MLLT3: variants seen among roughly 807,000 people sequenced by gnomAD.
MLLT3 encodes the protein protein AF-9.
In MLLT3, 4 loss-of-function variants were observed where a neutral mutation model predicts 53.2. The observed-to-expected ratio is 0.08, with a 90% CI of 0.04 to 0.17. The LOEUF (loss-of-function observed/expected upper bound fraction) is 0.17, where lower values mean the gene tolerates loss of function less well. Among genes scored for constraint, MLLT3 ranks in the 10% least tolerant of loss-of-function variants. The pLI is 1.00. For missense variants in MLLT3, 569 were observed against 684.0 expected (o/e 0.83, Z 1.87); for synonymous variants, 283 against 230.6 (o/e 1.23, Z -2.06).
At chr9:20,530,271 C>CT (rs1475498310) in intron 2 of MLLT3, among the ~76,000 whole-genome samples, 1 of 152,174 alleles carries the variant, frequency 6.6e-6, no homozygotes, top group East Asian at 1.9e-4. Context: ...CATTGTTACC[C>CT]TTACTTCTCA....
At chr9:20,601,862 A>T (rs72701943) in intron 2 of MLLT3, among the ~76,000 whole-genome samples, 4,101 of 152,210 alleles carry the variant, frequency 0.027, 104 homozygotes, top group South Asian at 0.063. Flanking sequence ...TTTGTGTGCT[A>T]CCTATACAAA....
intron 2 of MLLT3, among the ~76,000 whole-genome samples, chr9:20,554,473 T>C (rs549374140): frequency 6.6e-6 from 1 of 152,294 alleles, no homozygotes; most frequent in South Asian, 2.1e-4. Flanking sequence ...CAAAAATGGA[T>C]GACATGAACA....
chr9:20,550,575 C>G (rs1313220110), intron 2 of MLLT3, among the ~76,000 whole-genome samples: 1 of 152,052 alleles, frequency 6.6e-6, no homozygotes, highest in Admixed American at 6.6e-5. Context: ...CAAGCACACA[C>G]CACCACCACA....
intron 2 of MLLT3, among the ~76,000 whole-genome samples, chr9:20,529,724 CT>C (rs5896896): frequency 0.28 from 21,877 of 77,452 alleles, 877 homozygotes; most frequent in East Asian, 0.32. Flanking sequence ...TAATCCAATC[CT>C]TTTTTTTTTT....
chr9:20,348,861 T>C (rs1271789695), intron 10 of MLLT3, among the ~76,000 whole-genome samples: 4 of 152,188 alleles, frequency 2.6e-5, no homozygotes, highest in African/African-American at 7.2e-5. Flanking sequence ...CACACAGCTA[T>C]GCCCACAGAG....
chr9:20,509,713 C>T (rs745630253), intron 2 of MLLT3, among the ~76,000 whole-genome samples: 64 of 152,178 alleles, frequency 4.2e-4, no homozygotes, highest in African/African-American at 1.4e-3. Context: ...CACTAACAAA[C>T]GAAATGTAAC....
intron 2 of MLLT3, among the ~76,000 whole-genome samples, chr9:20,590,829 G>A (rs1397320823): frequency 1.3e-5 from 2 of 152,062 alleles, no homozygotes; most frequent in Non-Finnish European, 2.9e-5. Context: ...TCGAATTCCT[G>A]GGCTCAAGCA....
chr9:20,510,072 G>C (rs544056037), intron 2 of MLLT3, among the ~76,000 whole-genome samples: 61 of 152,118 alleles, frequency 4.0e-4, no homozygotes, highest in African/African-American at 1.4e-3. Flanking sequence ...GGCTATATTA[G>C]ATAAATATTA....
chr9:20,357,116 A>C (rs914000036), intron 8 of MLLT3, among the ~76,000 whole-genome samples: 1 of 152,228 alleles, frequency 6.6e-6, no homozygotes, highest in African/African-American at 2.4e-5. Flanking sequence ...CCACAGGCTT[A>C]TTTTAAACCA....
intron 2 of MLLT3, among the ~76,000 whole-genome samples, chr9:20,498,081 G>C (rs1015318138): frequency 5.3e-5 from 8 of 151,430 alleles, no homozygotes; most frequent in Non-Finnish European, 1.2e-4. Context: ...AAATTAGCTG[G>C]GCGTGGTGGC....
intron 3 of MLLT3, among the ~76,000 whole-genome samples, chr9:20,449,253 C>T (rs1823782288): frequency 6.6e-6 from 1 of 152,102 alleles, no homozygotes; most frequent in African/African-American, 2.4e-5. Context: ...CATCATTGTG[C>T]CCTCAAAGAC....
intron 2 of MLLT3, among the ~76,000 whole-genome samples, chr9:20,511,780 A>C (rs1464388240): frequency 1.3e-5 from 2 of 152,024 alleles, no homozygotes; most frequent in Non-Finnish European, 2.9e-5. Context: ...ACACACACAC[A>C]CCTCTGCCTC....
intron 2 of MLLT3, among the ~76,000 whole-genome samples, chr9:20,601,537 A>G (rs1026033555): frequency 1.3e-5 from 2 of 152,178 alleles, no homozygotes; most frequent in African/African-American, 4.8e-5. Context: ...TTGTGACTCC[A>G]CTATCCCTCC....
chr9:20,576,655 A>C (rs749679774), intron 2 of MLLT3, among the ~76,000 whole-genome samples: 1 of 152,184 alleles, frequency 6.6e-6, no homozygotes, highest in Non-Finnish European at 1.5e-5. Flanking sequence ...ATGGCAACAC[A>C]AAACAATTAC....
chr9:20,427,310 A>G (rs1446741859), intron 4 of MLLT3, among the ~76,000 whole-genome samples: 5 of 150,684 alleles, frequency 3.3e-5, no homozygotes, highest in African/African-American at 4.9e-5. Context: ...TAAGAAATGA[A>G]AAAAAAAAAA....
intron 5 of MLLT3, among the ~76,000 whole-genome samples, chr9:20,390,401 C>T (rs1563947022): frequency 6.6e-6 from 1 of 152,108 alleles, no homozygotes; most frequent in African/African-American, 2.4e-5. Flanking sequence ...GTATAAAGAT[C>T]AGATAAAAGC....
At chr9:20,592,292 T>A (rs537312417) in intron 2 of MLLT3, among the ~76,000 whole-genome samples, 6 of 152,330 alleles carry the variant, frequency 3.9e-5, no homozygotes, top group African/African-American at 1.4e-4. Context: ...AGAGCTGCTA[T>A]AACAAAGTGG....
intron 2 of MLLT3, among the ~76,000 whole-genome samples, chr9:20,614,419 AGGAGGGAG>A (rs755983753): frequency 9.2e-6 from 1 of 109,008 alleles, no homozygotes; most frequent in Middle Eastern, 3.9e-3. Context: ...AAGGAAGGAA[AGGAGGGAG>A]GGAGGGAGGG....
chr9:20,477,806 C>G (rs766601176), intron 2 of MLLT3, among the ~76,000 whole-genome samples: 10 of 152,078 alleles, frequency 6.6e-5, no homozygotes, highest in South Asian at 2.1e-4. Context: ...TCACTTCTAC[C>G]CTAAAATGAG....
Sources: allele counts gnomAD v4.1 joint callset (sites outside exome capture counted in the v4.1 genomes callset), GRCh38; gene constraint gnomAD v4.1.1; transcripts MANE v1.5; gene names NCBI Gene and HGNC (gene_info 2026-07-23, HGNC 2026-07-21).